Variants in PLCB4 observed in about 807,000 individuals in gnomAD.
PLCB4 encodes 1-phosphatidylinositol 4,5-bisphosphate phosphodiesterase beta-4.
Under a neutral mutation model 178.8 loss-of-function variants are expected in PLCB4, and 77 were observed. The observed-to-expected ratio is 0.43, with a 90% confidence interval of 0.36 to 0.52. The LOEUF (loss-of-function observed/expected upper bound fraction) is 0.52, where lower values mean the gene tolerates loss of function less well. PLCB4 is among the 20% of genes least tolerant of loss of function. The pLI is 0.00. For synonymous variants in PLCB4, 496 were observed against 490.8 expected (o/e 1.01, Z -0.14); for missense variants, 1,024 against 1,453.4 (o/e 0.70, Z 4.80).
chr20:9,435,980 C>G (rs6056621), intron 29 of PLCB4, among the ~76,000 whole-genome samples: 1 of 151,494 alleles, frequency 6.6e-6, no homozygotes, highest in Non-Finnish European at 1.5e-5. Context: ...ATGCAACATC[C>G]GAAAAGTTCC....
chr20:9,292,898 G>A (rs1172712616), intron 3 of PLCB4, among the ~76,000 whole-genome samples: 1 of 152,104 alleles, frequency 6.6e-6, no homozygotes, highest in African/African-American at 2.4e-5. Flanking sequence ...GGCCAACATG[G>A]CGAAACCCTG....
At chr20:9,291,126 A>AT (rs1346868847) in intron 3 of PLCB4, among the ~76,000 whole-genome samples, 1 of 152,144 alleles carries the variant, frequency 6.6e-6, no homozygotes, top group African/African-American at 2.4e-5. Flanking sequence ...AGGCAGACTC[A>AT]TTTTTAAAAA....
intron 20 of PLCB4, among the ~76,000 whole-genome samples, chr20:9,402,743 G>A (rs2039128461): frequency 1.3e-5 from 2 of 152,212 alleles, no homozygotes. Flanking sequence ...TGGAATGTGG[G>A]AATGAGAGAG....
chr20:9,293,939 G>C (rs549461223), intron 3 of PLCB4, among the ~76,000 whole-genome samples: 17 of 152,158 alleles, frequency 1.1e-4, no homozygotes, highest in African/African-American at 3.9e-4. Context: ...GCTCAGTACC[G>C]GGGGGCAAGG....
At chr20:9,254,914 T>C (rs2094218344) in intron 3 of PLCB4, among the ~76,000 whole-genome samples, 1 of 152,200 alleles carries the variant, frequency 6.6e-6, no homozygotes, top group South Asian at 2.1e-4. Context: ...CTATCAACTT[T>C]CTAGTATTAG....
At chr20:9,256,629 G>A (rs540272509) in intron 3 of PLCB4, among the ~76,000 whole-genome samples, 3 of 152,196 alleles carry the variant, frequency 2.0e-5, no homozygotes, top group Non-Finnish European at 2.9e-5. Context: ...TTCTTGTTTG[G>A]TGGCTGTTAT....
At chr20:9,108,582 AATG>A (rs2091454648) in intron 2 of PLCB4, among the ~76,000 whole-genome samples, 1 of 152,010 alleles carries the variant, frequency 6.6e-6, no homozygotes, top group South Asian at 2.1e-4. Context: ...GAAGCATGGA[AATG>A]ATGATGATGA....
At chr20:9,321,676 C>A (rs1360772365) in intron 4 of PLCB4, among the ~76,000 whole-genome samples, 3 of 152,046 alleles carry the variant, frequency 2.0e-5, no homozygotes, top group Non-Finnish European at 4.4e-5. Context: ...ACTGTGTTAC[C>A]AGGCTAGAGT....
chr20:9,477,731 T>C (rs1167104832), intron 39 of PLCB4, among the ~76,000 whole-genome samples: 1 of 152,208 alleles, frequency 6.6e-6, no homozygotes, highest in Non-Finnish European at 1.5e-5. Context: ...TTTGGTGTTA[T>C]TATATCCATC....
intron 25 of PLCB4, among the ~76,000 whole-genome samples, chr20:9,413,348 C>A (rs1164122004): frequency 6.7e-6 from 1 of 149,890 alleles, no homozygotes; most frequent in Non-Finnish European, 1.5e-5. Flanking sequence ...CCCAGTGGCT[C>A]ACACCTGGAA....
intron 2 of PLCB4, among the ~76,000 whole-genome samples, chr20:9,179,205 A>T (rs1019703044): frequency 6.6e-6 from 1 of 152,142 alleles, no homozygotes; most frequent in African/African-American, 2.4e-5. Context: ...GTATTTTTCC[A>T]TTGTGCAGGT....
chr20:9,408,603 C>T, intron 22 of PLCB4, 30 bp from the exon 23 acceptor site: 1 of 1,123,046 alleles, frequency 8.9e-7, no homozygotes, highest in Non-Finnish European at 1.4e-6. Flanking sequence ...TGGCAGAGTT[C>T]CTGAATCCAT....
chr20:9,468,269 C>T (rs1568905477), intron 35 of PLCB4, among the ~76,000 whole-genome samples: 1 of 151,138 alleles, frequency 6.6e-6, no homozygotes, highest in Non-Finnish European at 1.5e-5. Flanking sequence ...ATACAGAAGT[C>T]GATGAGCTCA....
At chr20:9,185,169 C>T (rs931210511) in intron 2 of PLCB4, among the ~76,000 whole-genome samples, 1 of 152,174 alleles carries the variant, frequency 6.6e-6, no homozygotes, top group Non-Finnish European at 1.5e-5. Context: ...TCCCAAGTTG[C>T]TTGGATTATA....
rs1044483307 is a variant in PLCB4, at chr20:9,384,453, C to T, written c.1064+42C>T. 3.8e-6 allele frequency: 5 copies of T among 1,323,426 alleles called. No individual in the cohort carries two copies. The African/African-American group carries it at 5.8e-5, about 15-fold the overall frequency. 82.0% of individuals were successfully genotyped at this position (1,323,426 alleles called of 1,614,324 possible). On this transcript the variant is annotated intron_variant, in intron 14 of 39. Coordinates refer to ENST00000378473, the MANE Select transcript of PLCB4 (RefSeq NM_001377142.1). The stretch of plus-strand genomic sequence containing the variant: ...GGCAATTTGTTTTTTGTGTGTGATG[C>T]CCTTCAGTTTAATTTACTTTTCTCT...
Position 9,108,924 on chromosome 20 carries a change from AG to A in PLCB4, c.-79+12583del, listed in dbSNP as rs1370658446. 8.6e-5 allele frequency among the ~76,000 whole-genome samples: 13 copies of A among 151,276 alleles called. No homozygotes were observed. In the East Asian group the frequency reaches 2.5e-3, roughly 30 times the overall value. ...AAGAGAGAGAGAGAGAGAGAGAGAG[AG>A]AAAGAGAGAGAGGAGAAAGGGGTAG... On this transcript the variant is annotated intron_variant, in intron 2 of 39. Transcript: ENST00000378473.
intron 2 of PLCB4, among the ~76,000 whole-genome samples, chr20:9,174,121 C>T (rs2093113397): frequency 6.6e-6 from 1 of 151,878 alleles, no homozygotes; most frequent in Non-Finnish European, 1.5e-5. Flanking sequence ...GCTACTGCTG[C>T]TGCTTCTTGT....
intron 30 of PLCB4, among the ~76,000 whole-genome samples, chr20:9,441,992 C>T (rs1028653333): frequency 6.6e-6 from 1 of 151,342 alleles, no homozygotes; most frequent in Non-Finnish European, 1.5e-5. Flanking sequence ...TAAGAGAAAA[C>T]AAGTTATTGT....
chr20:9,347,563 T>TA (rs1441808833), intron 7 of PLCB4, among the ~76,000 whole-genome samples: 37 of 152,320 alleles, frequency 2.4e-4, no homozygotes, highest in African/African-American at 8.4e-4. Flanking sequence ...CCAGGAATAT[T>TA]TTTTTGATGA....
Sources: allele counts gnomAD v4.1 joint callset (sites outside exome capture counted in the v4.1 genomes callset), GRCh38; gene constraint gnomAD v4.1.1; transcripts MANE v1.5; gene names NCBI Gene and HGNC (gene_info 2026-07-23, HGNC 2026-07-21).